STK3: variants seen among roughly 807,000 people sequenced by gnomAD.
STK3 encodes serine/threonine-protein kinase 3.
A neutral mutation model predicts 58.0 loss-of-function variants in STK3; 41 were observed. The observed-to-expected ratio is 0.71, with a 90% confidence interval of 0.55 to 0.92. The LOEUF is 0.92. Ranked by LOEUF, STK3 falls within the 40% of genes least tolerant of loss-of-function variation. The pLI is 0.00. For synonymous variants in STK3, 170 were observed against 191.0 expected (o/e 0.89, Z 0.91); for missense variants, 479 against 602.7 (o/e 0.79, Z 2.15).
chr8:98,368,961 A>T (rs1817587830), downstream of STK3, among the ~76,000 whole-genome samples: 1 of 152,164 alleles, frequency 6.6e-6, no homozygotes, highest in Non-Finnish European at 1.5e-5. Flanking sequence ...CATGTCTGAG[A>T]TCCCTGGAAA....
At chr8:98,730,392 CTT>C (rs1372273450) in intron 4 of STK3, among the ~76,000 whole-genome samples, 1 of 152,112 alleles carries the variant, frequency 6.6e-6, no homozygotes, top group Non-Finnish European at 1.5e-5. Context: ...GAAAATGTCT[CTT>C]ATATATCAAA....
chr8:98,451,176 G>A (rs1309903139), downstream of STK3, among the ~76,000 whole-genome samples: 1 of 152,086 alleles, frequency 6.6e-6, no homozygotes, highest in Non-Finnish European at 1.5e-5. Flanking sequence ...CAGCCTGTAT[G>A]ATTAATGACA....
At chr8:98,495,893 C>T (rs1321351460) in intron 10 of STK3, among the ~76,000 whole-genome samples, 2 of 152,144 alleles carry the variant, frequency 1.3e-5, no homozygotes, top group Non-Finnish European at 2.9e-5. Flanking sequence ...CTTGAAATGA[C>T]AAGTTATCAT....
At chr8:98,885,911 C>T (rs1050438514) in intron 1 of STK3, among the ~76,000 whole-genome samples, 1 of 152,142 alleles carries the variant, frequency 6.6e-6, no homozygotes, top group Non-Finnish European at 1.5e-5. Context: ...ACAACTCCTC[C>T]AATGGATCTC....
chr8:98,698,330 G>A (rs1184047719), intron 6 of STK3, among the ~76,000 whole-genome samples: 1 of 151,846 alleles, frequency 6.6e-6, no homozygotes, highest in African/African-American at 2.4e-5. Flanking sequence ...TTGCCAGTCT[G>A]TGTCTTTTAA....
Position 98,762,550 on chromosome 8 carries a change from G to A in STK3, c.236+4693C>T, listed in dbSNP as rs1039888334. On this transcript the variant is annotated intron_variant, in intron 3 of 10. Transcript: ENST00000419617. ...ATTACAGGCGTGAGCCATGGCACCC[G>A]GCCGAGACCCATTCTTTGTTGTATC... Among the ~76,000 whole-genome samples, 13 of 152,322 alleles carry A rather than the reference G, an allele frequency of 8.5e-5. No individual in the cohort carries two copies. In the South Asian group the frequency reaches 1.7e-3, roughly 19 times the overall value.
At chr8:98,505,148 A>T (rs539494739) in intron 10 of STK3, among the ~76,000 whole-genome samples, 5 of 151,910 alleles carry the variant, frequency 3.3e-5, no homozygotes, top group Non-Finnish European at 7.4e-5. Context: ...TTTGATCTTC[A>T]GTCACTGATA....
Position 98,446,687 on chromosome 8 carries a change from G to T in STK3, n.186-9479C>A, listed in dbSNP as rs916333699. ...AGTGTAAATTAGTTCAACCATTGTG[G>T]AAAGAGCTAAAAATAGAACTACTAT... On this transcript the variant is annotated intron_variant and non_coding_transcript_variant, in intron 1 of 3. Coordinates refer to the STK3 transcript ENST00000517832. Among the ~76,000 whole-genome samples the T allele has an allele frequency of 1.2e-4, 19 of 152,098 alleles. 1 individual carries two copies. Among genetic ancestry groups the T allele is most frequent in the African/African-American group, 4.3e-4 (18 of 41,412 alleles).
intron 1 of STK3, among the ~76,000 whole-genome samples, chr8:98,923,151 T>C (rs1587852957): frequency 6.6e-6 from 1 of 152,340 alleles, no homozygotes; most frequent in East Asian, 1.9e-4. Context: ...AAGCAAATTG[T>C]AATGAAGCAA....
chr8:98,403,446 A>G (rs1817964011), intron 3 of STK3, among the ~76,000 whole-genome samples: 1 of 152,234 alleles, frequency 6.6e-6, no homozygotes, highest in South Asian at 2.1e-4. Flanking sequence ...AAGTAAGCCA[A>G]TGAAAGATCA....
chr8:98,377,096 T>C (rs1563587482), intron 2 of STK3, among the ~76,000 whole-genome samples: 1 of 152,154 alleles, frequency 6.6e-6, no homozygotes, highest in Non-Finnish European at 1.5e-5. Flanking sequence ...AATGCTGTCA[T>C]TTTAGACATC....
At chr8:98,864,567 C>A (rs1057101215) in intron 3 of STK3, among the ~76,000 whole-genome samples, 2 of 152,228 alleles carry the variant, frequency 1.3e-5, no homozygotes, top group Non-Finnish European at 2.9e-5. Context: ...ATTAAATCCT[C>A]TGTTTCCCAA....
chr8:98,605,237 C>T (rs1816683011), intron 6 of STK3, among the ~76,000 whole-genome samples: 1 of 152,042 alleles, frequency 6.6e-6, no homozygotes, highest in Non-Finnish European at 1.5e-5. Context: ...TGCCCTACTC[C>T]TTGGCACTGA....
chr8:98,621,235 C>T (rs988975621), intron 6 of STK3, among the ~76,000 whole-genome samples: 5 of 152,194 alleles, frequency 3.3e-5, no homozygotes, highest in Admixed American at 1.3e-4. Flanking sequence ...CCACCGCGCC[C>T]GGCCAACAAC....
intron 10 of STK3, among the ~76,000 whole-genome samples, chr8:98,480,022 T>TTG (rs1821719216): frequency 6.6e-6 from 1 of 151,808 alleles, no homozygotes; most frequent in Non-Finnish European, 1.5e-5. Flanking sequence ...AAAAGGTCAG[T>TTG]GAAAATTACC....
At chr8:98,577,474 G>A (rs776926861) in intron 8 of STK3, among the ~76,000 whole-genome samples, 5 of 152,100 alleles carry the variant, frequency 3.3e-5, no homozygotes, top group Non-Finnish European at 7.4e-5. Flanking sequence ...GCAACAGAAC[G>A]AGACTCGGTC....
intron 1 of STK3, among the ~76,000 whole-genome samples, chr8:98,912,212 C>T (rs1839163366): frequency 6.6e-6 from 1 of 152,100 alleles, no homozygotes. Flanking sequence ...AACCTCGTCT[C>T]TACTAAAAAT....
chr8:98,548,946 C>T (rs1274071394), intron 8 of STK3, among the ~76,000 whole-genome samples: 2 of 152,006 alleles, frequency 1.3e-5, no homozygotes, highest in Admixed American at 1.3e-4. Context: ...AATTTCATTC[C>T]TTTTTAAGGC....
chr8:98,379,870 A>G (rs1817715087), intron 1 of STK3, among the ~76,000 whole-genome samples: 1 of 152,240 alleles, frequency 6.6e-6, no homozygotes, highest in Non-Finnish European at 1.5e-5. Flanking sequence ...AGCACTATCC[A>G]CAATAGCAAA....
Sources: allele counts gnomAD v4.1 joint callset (sites outside exome capture counted in the v4.1 genomes callset), GRCh38; gene constraint gnomAD v4.1.1; transcripts MANE v1.5; gene names NCBI Gene and HGNC (gene_info 2026-07-23, HGNC 2026-07-21).